The following TRIM61 variants were observed in gnomAD, a reference collection of about 807,000 sequenced individuals.
TRIM61 encodes the protein tripartite motif containing 61, also known as putative tripartite motif-containing protein 61.
In TRIM61, 1 loss-of-function variant was observed where a neutral mutation model predicts 14.2. That is an observed-to-expected ratio of 0.07 (90% confidence interval 0.03 to 0.33). The LOEUF is 0.33. Among genes scored for constraint, TRIM61 ranks in the 10% least tolerant of loss-of-function variants. The probability of loss-of-function intolerance (pLI) is 0.99; values close to 1 mark genes in which losing one functional copy is unlikely to be tolerated. For missense variants in TRIM61, 19 were observed against 202.2 expected, an observed-to-expected ratio of 0.09 and a Z score of 5.49; for synonymous variants, 8 against 71.6, an observed-to-expected ratio of 0.11 and a Z score of 4.49.
At chr4:164,970,385 T>C (rs1437009017) in intron 2 of TRIM61, 46 bp from the exon 3 acceptor site, 1 of 210,488 alleles carries the variant, frequency 4.8e-6, no homozygotes, top group Non-Finnish European at 9.6e-6. Context: ...TAATCACAAA[T>C]GTATTAAACG....
intron 3 of TRIM61, among the ~76,000 whole-genome samples, chr4:164,967,807 C>G (rs556777636): frequency 4.6e-5 from 7 of 151,098 alleles, no homozygotes; most frequent in African/African-American, 1.7e-4. Flanking sequence ...CAACACCACG[C>G]TGGGCAAAAT....
rs181475999 is a variant in TRIM61 at position 164,966,742 on chromosome 4, A to T, written c.525+2736T>A. Reference sequence around the variant, plus strand: ...AGCCTGGCCAACATGATGAAACCCCATCTCTACTAAAAATACAAAAATTAG... The same window carrying T: ...AGCCTGGCCAACATGATGAAACCCCTTCTCTACTAAAAATACAAAAATTAG... On this transcript the variant is annotated intron_variant, in intron 3 of 4. Transcript: ENST00000329314. Among the ~76,000 whole-genome samples the T allele has an allele frequency of 1.2e-4, 18 of 152,132 alleles. No homozygotes were observed. In the East Asian group the frequency reaches 2.9e-3, roughly 25 times the overall value.
chr4:164,964,947 T>A (rs1418120000), intron 3 of TRIM61, among the ~76,000 whole-genome samples: 1 of 152,206 alleles, frequency 6.6e-6, no homozygotes, highest in Admixed American at 6.5e-5. Flanking sequence ...TTTTGATGTC[T>A]ACTAATTATT....
chr4:164,974,958 C>A (rs2111154432), intron 2 of TRIM61, among the ~76,000 whole-genome samples: 1 of 151,932 alleles, frequency 6.6e-6, no homozygotes, highest in East Asian at 1.9e-4. Context: ...CCCAGCCACG[C>A]ACGGTGGCTC....
At chr4:164,970,710 TC>T in intron 2 of TRIM61, among the ~76,000 whole-genome samples, 1 of 151,854 alleles carries the variant, frequency 6.6e-6, no homozygotes, top group African/African-American at 2.4e-5. Flanking sequence ...AAAAAAGGTT[TC>T]TACATTTAAG....
intron 3 of TRIM61, chr4:164,969,236 T>G (rs878999786): frequency 7.3e-7 from 1 of 1,375,074 alleles, no homozygotes; most frequent in Non-Finnish European, 9.4e-7. Flanking sequence ...ATATCTGTGA[T>G]AGATATCCTT....
intron 2 of TRIM61, among the ~76,000 whole-genome samples, chr4:164,970,773 G>T (rs1732347250): frequency 6.6e-6 from 1 of 152,076 alleles, no homozygotes; most frequent in Non-Finnish European, 1.5e-5. Flanking sequence ...TTGAATCTGA[G>T]ATCTTGAAAT....
At chr4:164,972,389 T>G (rs1379637987) in intron 2 of TRIM61, among the ~76,000 whole-genome samples, 1 of 152,232 alleles carries the variant, frequency 6.6e-6, no homozygotes, top group Non-Finnish European at 1.5e-5. Context: ...ACAAGAGCCA[T>G]GTATTGCATT....
At chr4:164,957,787 T>C (rs1732046187) in intron 3 of TRIM61, 2 of 288,448 alleles carry the variant, frequency 6.9e-6, no homozygotes, top group Non-Finnish European at 1.4e-5. Context: ...TATTTTCTTA[T>C]TTAAAGCTCT....
chr4:164,964,071 C>G (rs985037423), intron 3 of TRIM61, among the ~76,000 whole-genome samples: 1 of 151,256 alleles, frequency 6.6e-6, no homozygotes, highest in African/African-American at 2.4e-5. Flanking sequence ...GAAAAATGGC[C>G]GGGCGCGGTG....
At chr4:164,966,512 A>C (rs2111142608) in intron 3 of TRIM61, among the ~76,000 whole-genome samples, 1 of 152,378 alleles carries the variant, frequency 6.6e-6, no homozygotes, top group African/African-American at 2.4e-5. Flanking sequence ...TGAGGAGTTC[A>C]AAGTGACTGC....
At chr4:164,967,020 C>G (rs535510621) in intron 3 of TRIM61, among the ~76,000 whole-genome samples, 1 of 152,188 alleles carries the variant, frequency 6.6e-6, no homozygotes, top group South Asian at 2.1e-4. Flanking sequence ...ACTATCTCTA[C>G]GGAAACTCCA....
chr4:164,977,621 G>A lies in TRIM61; in HGVS notation c.-566C>T, dbSNP rs905997572. On this transcript the variant is annotated 5_prime_UTR_variant, in exon 1 of 5. Coordinates refer to ENST00000329314, the MANE Select transcript of TRIM61 (RefSeq NM_001012414.3). ...AGGACTCATACCCCAACCCCACCAA[G>A]TGGGCTGCTTCCTGCCTGGGGCTCA... is the stretch of plus-strand genomic sequence containing the variant. The A allele has an allele frequency of 4.6e-5, 7 of 152,196 alleles. No individual in the cohort carries two copies. Among genetic ancestry groups the A allele is most frequent in the African/African-American group, 1.4e-4 (6 of 41,432 alleles). The allele number at this position is 152,196 out of a possible 1,614,324, so 9.4% of individuals were successfully genotyped here. A position where few individuals can be genotyped will look rare whatever the true frequency, so the allele number is the denominator to read the frequency against.
intron 1 of TRIM61, 42 bp from the exon 2 acceptor site, chr4:164,976,867 C>A (rs1207704908): frequency 6.6e-6 from 1 of 152,118 alleles, no homozygotes; most frequent in Non-Finnish European, 1.5e-5. Context: ...AAGATCTAGT[C>A]CAAGTTTTTT....
chr4:164,976,236 G>A (rs201368258), intron 2 of TRIM61, among the ~76,000 whole-genome samples: 22 of 151,798 alleles, frequency 1.4e-4, no homozygotes, highest in African/African-American at 5.1e-4. Context: ...GGCCGGTGCC[G>A]GTGCAGGTCC....
At chr4:164,963,503 C>G (rs1007857922) in intron 3 of TRIM61, among the ~76,000 whole-genome samples, 3 of 152,082 alleles carry the variant, frequency 2.0e-5, no homozygotes, top group African/African-American at 4.8e-5. Flanking sequence ...GTAATCCCAG[C>G]ACTGCCAAGG....
At chr4:164,965,605 T>C (rs1011073174) in intron 3 of TRIM61, among the ~76,000 whole-genome samples, 1 of 151,992 alleles carries the variant, frequency 6.6e-6, no homozygotes, top group Non-Finnish European at 1.5e-5. Context: ...GGCTAATTTT[T>C]TGAATTTTTA....
At chr4:164,957,748 C>T in intron 3 of TRIM61, 1 of 390,674 alleles carries the variant, frequency 2.6e-6, no homozygotes, top group Non-Finnish European at 4.7e-6. Flanking sequence ...ATGATACGCA[C>T]ACTAGATGAA....
chr4:164,969,254 G>A (rs867973193), intron 3 of TRIM61: 2 of 1,408,314 alleles, frequency 1.4e-6, no homozygotes, highest in Middle Eastern at 2.7e-4. Context: ...CTTAACATTT[G>A]CCAGTAATTC....
Sources: gnomAD v4.1 joint callset for allele counts (sites outside exome capture counted in the v4.1 genomes callset) on GRCh38, gnomAD v4.1.1 for gene constraint, MANE v1.5 for transcripts, NCBI Gene and HGNC (gene_info 2026-07-23, HGNC 2026-07-21) for gene names.